GNG2: variants seen among roughly 807,000 people sequenced by gnomAD.
The protein encoded by GNG2 is G protein subunit gamma 2, also known as guanine nucleotide-binding protein G(I)/G(S)/G(O) subunit gamma-2.
GNG2 carries 5 observed loss-of-function variants against 5.5 expected under a neutral mutation model. The observed-to-expected ratio is 0.91, with a 90% CI of 0.48 to 1.92. The LOEUF is 1.92. Ranked by LOEUF, GNG2 falls within the 30% of genes most tolerant of loss-of-function variation. The pLI is 0.01. For synonymous variants in GNG2, 28 were observed against 32.0 expected (o/e 0.88, Z 0.42); for missense variants, 55 against 88.4 (o/e 0.62, Z 1.52).
At chr14:51,870,224 C>A (rs1476126759) in intron 1 of GNG2, among the ~76,000 whole-genome samples, 2 of 151,856 alleles carry the variant, frequency 1.3e-5, no homozygotes, top group Non-Finnish European at 1.5e-5. Flanking sequence ...TGCACGTGTA[C>A]CCCTGAACCT....
At chr14:51,826,392 ATTAT>A (rs1158262468) in intron 1 of GNG2, among the ~76,000 whole-genome samples, 1 of 152,220 alleles carries the variant, frequency 6.6e-6, no homozygotes, top group East Asian at 1.9e-4. Context: ...TAATCTAGAG[ATTAT>A]TTAAAGTCGT....
chr14:51,830,180 C>T (rs952223249), intron 2 of GNG2, among the ~76,000 whole-genome samples: 1 of 152,210 alleles, frequency 6.6e-6, no homozygotes, highest in Non-Finnish European at 1.5e-5. Context: ...TTTTGACTTC[C>T]AGGATTCCTA....
intron 3 of GNG2, among the ~76,000 whole-genome samples, chr14:51,958,772 G>A (rs1291163572): frequency 6.6e-6 from 1 of 152,086 alleles, no homozygotes; most frequent in African/African-American, 2.4e-5. Flanking sequence ...ATCCCATCAT[G>A]AGTCCCTGAG....
intron 2 of GNG2, among the ~76,000 whole-genome samples, chr14:51,888,507 A>G (rs903763147): frequency 3.9e-5 from 6 of 152,030 alleles, no homozygotes; most frequent in African/African-American, 1.5e-4. Context: ...TTTTGAAGAG[A>G]TAGGGTCTCG....
chr14:51,928,768 G>A (rs1887488075), intron 2 of GNG2, among the ~76,000 whole-genome samples: 1 of 152,128 alleles, frequency 6.6e-6, no homozygotes, highest in Non-Finnish European at 1.5e-5. Context: ...TATGACTAAT[G>A]CCTGGTATTC....
At chr14:51,934,164 G>T (rs1387507708) in intron 2 of GNG2, among the ~76,000 whole-genome samples, 1 of 152,154 alleles carries the variant, frequency 6.6e-6, no homozygotes, top group Non-Finnish European at 1.5e-5. Context: ...GCCTGGTAAA[G>T]CAGCACGTGA....
upstream of GNG2, among the ~76,000 whole-genome samples, chr14:51,856,041 G>A (rs567758355): frequency 6.6e-6 from 1 of 152,184 alleles, no homozygotes; most frequent in Non-Finnish European, 1.5e-5. Flanking sequence ...GGCATGGTGG[G>A]TTGGCACACG....
chr14:51,897,175 T>A (rs150071443), intron 2 of GNG2, among the ~76,000 whole-genome samples: 1 of 152,246 alleles, frequency 6.6e-6, no homozygotes, highest in East Asian at 1.9e-4. Context: ...CTTTGGCCTT[T>A]GGAAATTTAG....
At chr14:51,931,601 C>T (rs1300377553) in intron 2 of GNG2, among the ~76,000 whole-genome samples, 1 of 151,954 alleles carries the variant, frequency 6.6e-6, no homozygotes, top group East Asian at 1.9e-4. Flanking sequence ...CACTCTGAGA[C>T]CTGGGGATCA....
chr14:51,885,209 G>T (rs1160976354), intron 2 of GNG2, among the ~76,000 whole-genome samples: 1 of 152,130 alleles, frequency 6.6e-6, no homozygotes, highest in Admixed American at 6.5e-5. Context: ...TAAAATGGAG[G>T]TTATAATATT....
chr14:51,872,370 G>A (rs1056792765), intron 1 of GNG2, among the ~76,000 whole-genome samples: 15 of 151,910 alleles, frequency 9.9e-5, no homozygotes, highest in African/African-American at 1.7e-4. Context: ...GGATTTAAGC[G>A]AAATAGATTT....
chr14:51,826,651 G>C (rs1881037065), intron 1 of GNG2, among the ~76,000 whole-genome samples: 1 of 152,236 alleles, frequency 6.6e-6, no homozygotes, highest in African/African-American at 2.4e-5. Context: ...GAAGGGATAA[G>C]AGGGAAGCAA....
intron 3 of GNG2, among the ~76,000 whole-genome samples, chr14:51,953,279 G>T (rs1048074253): frequency 1.3e-5 from 2 of 152,128 alleles, no homozygotes; most frequent in African/African-American, 4.8e-5. Context: ...AATTGCAAGG[G>T]CTTGTTAGGT....
intron 2 of GNG2, among the ~76,000 whole-genome samples, chr14:51,853,764 T>C (rs1882019682): frequency 6.6e-6 from 1 of 152,226 alleles, no homozygotes; most frequent in African/African-American, 2.4e-5. Context: ...ATTCTGACAT[T>C]CCTTTTAAAG....
At chr14:51,907,825 C>G (rs1441809660) in intron 2 of GNG2, among the ~76,000 whole-genome samples, 2 of 152,174 alleles carry the variant, frequency 1.3e-5, no homozygotes, top group Non-Finnish European at 2.9e-5. Context: ...ATACCCTACA[C>G]TAACTTTAGT....
At chr14:51,922,779 G>T (rs1887091157) in intron 2 of GNG2, among the ~76,000 whole-genome samples, 1 of 152,106 alleles carries the variant, frequency 6.6e-6, no homozygotes, top group Non-Finnish European at 1.5e-5. Flanking sequence ...GCTTATAAAA[G>T]GCCCTTTCAT....
intron 1 of GNG2, chr14:51,827,652 T>C (rs1401003736): frequency 1.4e-6 from 1 of 698,292 alleles, no homozygotes; most frequent in Non-Finnish European, 2.6e-6. Context: ...TCCACGTATA[T>C]GTTTACATAT....
chr14:51,907,850 G>T (rs770659314), intron 2 of GNG2, among the ~76,000 whole-genome samples: 1 of 152,166 alleles, frequency 6.6e-6, no homozygotes, highest in Admixed American at 6.5e-5. Flanking sequence ...GGTCTTTACC[G>T]ATTTAGGTTG....
intron 1 of GNG2, among the ~76,000 whole-genome samples, chr14:51,826,597 A>G (rs1220832972): frequency 6.6e-6 from 1 of 152,210 alleles, no homozygotes; most frequent in Non-Finnish European, 1.5e-5. Context: ...GGGTGGCGGA[A>G]TGGAGGCATT....
Sources: gnomAD v4.1 joint callset for allele counts (sites outside exome capture counted in the v4.1 genomes callset) on GRCh38, gnomAD v4.1.1 for gene constraint, MANE v1.5 for transcripts, NCBI Gene and HGNC (gene_info 2026-07-23, HGNC 2026-07-21) for gene names.